Variants in OR9Q1 observed in about 807,000 individuals in gnomAD.
OR9Q1 encodes the protein olfactory receptor family 9 subfamily Q member 1.
For synonymous variants in OR9Q1, 153 were observed against 148.6 expected (o/e 1.03, Z -0.22); for missense variants, 374 against 378.8 (o/e 0.99, Z 0.11).
At chr11:58,026,948 C>G (rs1590540373) in intron 1 of OR9Q1, 2 of 152,160 alleles carry the variant, frequency 1.3e-5, no homozygotes, top group East Asian at 3.9e-4. Context: ...TATTTGACAA[C>G]TTGAATTCAT....
chr11:58,148,476 C>T (rs1461198644), intron 2 of OR9Q1, among the ~76,000 whole-genome samples: 1 of 152,096 alleles, frequency 6.6e-6, no homozygotes, highest in Non-Finnish European at 1.5e-5. Flanking sequence ...CCTCCTTGCT[C>T]CAATTCTATT....
chr11:58,133,451 G>T (rs552780498), intron 2 of OR9Q1, among the ~76,000 whole-genome samples: 1 of 152,286 alleles, frequency 6.6e-6, no homozygotes, highest in South Asian at 2.1e-4. Context: ...TGGCGCTCAG[G>T]GTGGGGTCAA....
At chr11:58,047,024 G>C (rs935421283) in intron 1 of OR9Q1, among the ~76,000 whole-genome samples, 1 of 152,188 alleles carries the variant, frequency 6.6e-6, no homozygotes. Context: ...TAAATCAGTA[G>C]TATCTCTAGG....
At chr11:58,138,255 C>T (rs1421660385) in intron 2 of OR9Q1, among the ~76,000 whole-genome samples, 1 of 152,178 alleles carries the variant, frequency 6.6e-6, no homozygotes, top group Non-Finnish European at 1.5e-5. Context: ...TGTGCCTCCC[C>T]AGCTGGGGCT....
chr11:58,070,191 A>G (rs1380441896), intron 2 of OR9Q1, among the ~76,000 whole-genome samples: 2 of 144,432 alleles, frequency 1.4e-5, no homozygotes, highest in African/African-American at 2.6e-5. Context: ...TTTTTTTTTT[A>G]GTGGTGATGG....
chr11:58,110,700 C>T (rs766792522), intron 2 of OR9Q1, among the ~76,000 whole-genome samples: 11 of 152,156 alleles, frequency 7.2e-5, no homozygotes, highest in Non-Finnish European at 1.0e-4. Context: ...CTCGACAGTA[C>T]GCCTTCTACT....
At chr11:58,178,689 G>T (rs1268167038) in intron 2 of OR9Q1, among the ~76,000 whole-genome samples, 1 of 151,736 alleles carries the variant, frequency 6.6e-6, no homozygotes, top group Non-Finnish European at 1.5e-5. Context: ...TGGCTATCTG[G>T]CTTGCAGAGC....
chr11:58,093,759 C>CAAAAAAAAA (rs71061572), intron 2 of OR9Q1, among the ~76,000 whole-genome samples: 4 of 35,540 alleles, frequency 1.1e-4, no homozygotes, highest in Non-Finnish European at 1.7e-4. Flanking sequence ...GACTTCATCT[C>CAAAAAAAAA]AAAAAAAAAA....
At chr11:58,092,685 A>T (rs1853696002) in intron 2 of OR9Q1, among the ~76,000 whole-genome samples, 1 of 152,058 alleles carries the variant, frequency 6.6e-6, no homozygotes, top group Non-Finnish European at 1.5e-5. Context: ...ATAAATTTTG[A>T]TGCTTTCCAG....
At chr11:58,147,759 T>C (rs555658340) in intron 2 of OR9Q1, among the ~76,000 whole-genome samples, 21 of 152,322 alleles carry the variant, frequency 1.4e-4, no homozygotes, top group Admixed American at 5.9e-4. Context: ...TATTTACATA[T>C]ATTAATAAAT....
chr11:58,146,600 A>G (rs1854301445), intron 2 of OR9Q1, among the ~76,000 whole-genome samples: 1 of 152,114 alleles, frequency 6.6e-6, no homozygotes, highest in South Asian at 2.1e-4. Flanking sequence ...TTAATTATTA[A>G]TTTTTACAAT....
chr11:58,180,411 C>A lies in OR9Q1; in HGVS notation c.*34C>A, dbSNP rs1854653429. 1 of 1,389,238 alleles carries A rather than the reference C, an allele frequency of 7.2e-7. No homozygotes were observed. The highest frequency in any genetic ancestry group is 1.3e-5 in the South Asian group (1 of 74,380). The allele number at this position is 1,389,238 out of a possible 1,614,324, so 86.1% of individuals were successfully genotyped here. ...AAACTTGGAAAATCCCGAGAACCAC[C>A]TACTCTGTAGTGTCAGAATTCTGGA... On this transcript the variant is annotated 3_prime_UTR_variant, in exon 3 of 3. Transcript: ENST00000335397.
At chr11:58,047,228 C>A (rs994680735) in intron 1 of OR9Q1, 1 of 152,160 alleles carries the variant, frequency 6.6e-6, no homozygotes, top group Admixed American at 6.6e-5. Flanking sequence ...GACCCAGTAT[C>A]CTAAGTGAGT....
At chr11:58,095,959 A>G (rs1232725166) in intron 2 of OR9Q1, among the ~76,000 whole-genome samples, 1 of 152,206 alleles carries the variant, frequency 6.6e-6, no homozygotes, top group African/African-American at 2.4e-5. Flanking sequence ...TAGAAGCTGG[A>G]GGTATAAACT....
intron 2 of OR9Q1, among the ~76,000 whole-genome samples, chr11:58,142,611 C>T (rs1854261306): frequency 6.6e-6 from 1 of 152,098 alleles, no homozygotes; most frequent in South Asian, 2.1e-4. Flanking sequence ...ATCTAAAGTC[C>T]TATGAGATCT....
At position 58,181,565 on chromosome 11, in the gene OR9Q1, A is replaced by T. The variant is rs1020474773; in HGVS notation, c.*1188A>T. 3 of 113,452 alleles carry T rather than the reference A, an allele frequency of 2.6e-5. No individual in the cohort carries two copies. Among genetic ancestry groups the T allele is most frequent in the African/African-American group, 1.0e-4 (2 of 19,542 alleles). The allele number at this position is 113,452 out of a possible 1,614,324, so 7.0% of individuals were successfully genotyped here. On this transcript the variant is annotated 3_prime_UTR_variant, in exon 3 of 3. Coordinates refer to ENST00000335397, the MANE Select transcript of OR9Q1 (RefSeq NM_001005212.4). ...TTCTTTTCCTGTCTCCTGGATTACT[A>T]AAAAAAAAAAAAAAAAAAAAAATCC...
rs377081084 is a variant in OR9Q1 at position 58,064,791 on chromosome 11, C to T, written c.-15+8844C>T. Among the ~76,000 whole-genome samples the T allele has an allele frequency of 1.8e-3, 273 of 151,956 alleles. 1 individual carries two copies. Among genetic ancestry groups the T allele is most frequent in the African/African-American group, 6.3e-3 (263 of 41,448 alleles). On this transcript the variant is annotated intron_variant, in intron 2 of 2. Transcript: ENST00000335397. ...ATTTGGCCAGTAGCATTCTAAAGAG[C>T]CACAAAAAACAGCCCCAGGGAGTCC...
At chr11:58,160,539 A>G (rs1440007647) in intron 2 of OR9Q1, among the ~76,000 whole-genome samples, 1 of 152,088 alleles carries the variant, frequency 6.6e-6, no homozygotes, top group African/African-American at 2.4e-5. Flanking sequence ...AGCTCACTGT[A>G]ACCTCAAACT....
rs527935129 is a variant in OR9Q1, at chr11:58,034,838, A to AT, written c.-93+10746dup. ...CCTTCCTTCCTTGCTTCCTTCCTTC[A>AT]TTTTTTTTTTTTAGGGTCTCACTCT... On this transcript the variant is annotated intron_variant, in intron 1 of 2. Transcript: ENST00000335397. Among the ~76,000 whole-genome samples, 319 of 36,152 alleles carry AT rather than the reference A, an allele frequency of 8.8e-3. 2 individuals carry two copies. Among genetic ancestry groups the AT allele is most frequent in the African/African-American group, 0.022 (241 of 11,196 alleles). 23.7% of individuals were successfully genotyped at this position (36,152 alleles called of 152,430 possible). A position where few individuals can be genotyped will look rare whatever the true frequency, so the allele number is the denominator to read the frequency against.
Sources: allele counts gnomAD v4.1 joint callset (sites outside exome capture counted in the v4.1 genomes callset), GRCh38; gene constraint gnomAD v4.1.1; transcripts MANE v1.5; gene names NCBI Gene and HGNC (gene_info 2026-07-23, HGNC 2026-07-21).